MYO16: variants seen among roughly 807,000 people sequenced by gnomAD.
MYO16 encodes the protein myosin XVI, also known as unconventional myosin-XVI.
A neutral mutation model predicts 205.3 loss-of-function variants in MYO16; 94 were observed. The ratio of observed to expected loss-of-function variants is 0.46; its 90% CI spans 0.39 to 0.54. The LOEUF is 0.54. Among genes scored for constraint, MYO16 ranks in the 20% least tolerant of loss-of-function variants. MYO16 has a pLI of 0.00. For synonymous variants in MYO16, 988 were observed against 954.0 expected (o/e 1.04, Z -0.66); for missense variants, 2,315 against 2,387.5 (o/e 0.97, Z 0.63).
At chr13:108,668,174 T>G (rs1274861950) in intron 2 of MYO16, among the ~76,000 whole-genome samples, 2 of 152,116 alleles carry the variant, frequency 1.3e-5, no homozygotes, top group Non-Finnish European at 1.5e-5. Flanking sequence ...CAAGAAGCAG[T>G]TATTATATAA....
intron 21 of MYO16, among the ~76,000 whole-genome samples, chr13:108,993,671 G>A (rs920017593): frequency 1.3e-5 from 2 of 152,072 alleles, no homozygotes; most frequent in Non-Finnish European, 2.9e-5. Flanking sequence ...AATAGAAAAG[G>A]AGATACTTCA....
At position 108,785,734 on chromosome 13, in the gene MYO16, G is replaced by T. The variant is rs772286697; in HGVS notation, c.607G>T (p.Asp203Tyr). ...CAGCTCTATCCTGTTGACCTATCTG[G>T]ATGAAAATGGTAGGCAAAAACTTTT... ...ESSSILLTYL[D>Y]ENGVDLTSLR... Residue 203 changes from aspartate to tyrosine, a missense_variant, in exon 5 of 35, where the codon GAT becomes TAT. Coordinates refer to ENST00000457511, the MANE Select transcript of MYO16 (RefSeq NM_001198950.3). 6.3e-7 allele frequency: 1 copy of T among 1,598,360 alleles called. No homozygotes were observed. The highest frequency in any genetic ancestry group is 1.1e-5 in the South Asian group (1 of 88,608).
intron 28 of MYO16, among the ~76,000 whole-genome samples, chr13:109,114,783 CCTTTA>C (rs1428933805): frequency 2.6e-5 from 4 of 152,308 alleles, no homozygotes; most frequent in East Asian, 1.9e-4. Flanking sequence ...TGAGCTTTCT[CCTTTA>C]CTTTACCTGC....
At chr13:108,753,356 G>A (rs565220236) in intron 4 of MYO16, among the ~76,000 whole-genome samples, 21 of 93,838 alleles carry the variant, frequency 2.2e-4, no homozygotes, top group African/African-American at 9.3e-4. Flanking sequence ...GGCAATAAGA[G>A]CAAAACTCTG....
At chr13:108,756,410 A>G (rs1470666468) in intron 4 of MYO16, among the ~76,000 whole-genome samples, 2 of 152,102 alleles carry the variant, frequency 1.3e-5, no homozygotes, top group Non-Finnish European at 2.9e-5. Context: ...ACTTTGAGAA[A>G]CACATCTGTA....
intron 31 of MYO16, among the ~76,000 whole-genome samples, chr13:109,139,342 C>G (rs1876924334): frequency 6.6e-6 from 1 of 152,206 alleles, no homozygotes; most frequent in Admixed American, 6.5e-5. Context: ...TTGGCCAGGT[C>G]TCCTGGGTTT....
intron 4 of MYO16, among the ~76,000 whole-genome samples, chr13:108,756,580 T>C (rs1019782324): frequency 6.6e-6 from 1 of 152,176 alleles, no homozygotes; most frequent in Admixed American, 6.5e-5. Context: ...ATTTGAATCA[T>C]TTATGTTAAT....
intron 21 of MYO16, among the ~76,000 whole-genome samples, chr13:109,007,391 A>G (rs185647690): frequency 0.011 from 1,712 of 152,052 alleles, 31 homozygotes; most frequent in African/African-American, 0.039. Flanking sequence ...CCGTCTCAAA[A>G]AAAAAGAAAA....
the MYO16 span, among the ~76,000 whole-genome samples, chr13:108,525,431 G>A: frequency 6.6e-5 from 10 of 152,150 alleles, no homozygotes; most frequent in Admixed American, 5.9e-4. Context: ...GAGCCATGTG[G>A]GGAGGTTGCT....
chr13:108,959,418 C>T (rs529821176), intron 17 of MYO16, among the ~76,000 whole-genome samples: 1 of 152,208 alleles, frequency 6.6e-6, no homozygotes, highest in Non-Finnish European at 1.5e-5. Flanking sequence ...GGAAACAGGG[C>T]TTTGAAAATT....
chr13:108,717,153 T>C (rs189574076), intron 3 of MYO16, among the ~76,000 whole-genome samples: 2 of 152,320 alleles, frequency 1.3e-5, no homozygotes, highest in African/African-American at 4.8e-5. Flanking sequence ...GGTTTTGTTA[T>C]TACCTTTATT....
Position 108,608,894 on chromosome 13 carries a change from T to C in MYO16, c.-39+12655T>C, listed in dbSNP as rs138711351. Among the ~76,000 whole-genome samples, 907 of 152,302 alleles carry C rather than the reference T, an allele frequency of 6.0e-3. 13 individuals carry two copies. Among genetic ancestry groups the C allele is most frequent in the East Asian group, 0.057 (297 of 5,184 alleles). ...CCCGACCTCAGGGGATCCACCTGCCTCAGCCTCCCAAAGTGCAGGGATTAT... is the reference window on the plus strand; with the variant it reads ...CCCGACCTCAGGGGATCCACCTGCCCCAGCCTCCCAAAGTGCAGGGATTAT... On this transcript the variant is annotated intron_variant, in intron 1 of 24. Coordinates refer to the MYO16 transcript ENST00000251041.
intron 16 of MYO16, among the ~76,000 whole-genome samples, chr13:108,920,803 A>T (rs555753238): frequency 4.3e-4 from 65 of 152,366 alleles, no homozygotes; most frequent in African/African-American, 1.5e-3. Context: ...TATAAATAAG[A>T]GATATTTATT....
intron 4 of MYO16, among the ~76,000 whole-genome samples, chr13:108,759,400 T>C (rs1002663499): frequency 2.6e-5 from 4 of 152,238 alleles, no homozygotes; most frequent in Non-Finnish European, 5.9e-5. Flanking sequence ...TGTGTTATTA[T>C]GTACTGTTTG....
intron 1 of MYO16, among the ~76,000 whole-genome samples, chr13:108,598,961 A>G (rs1878661263): frequency 6.7e-6 from 1 of 149,154 alleles, no homozygotes; most frequent in Non-Finnish European, 1.5e-5. Context: ...CTCGTCATTT[A>G]GCATTAGGTA....
intron 15 of MYO16, among the ~76,000 whole-genome samples, chr13:108,901,701 T>G (rs2139213202): frequency 1.3e-5 from 2 of 152,352 alleles, no homozygotes; most frequent in South Asian, 4.1e-4. Flanking sequence ...TTCTTATCAC[T>G]TGTATTTGTT....
chr13:109,061,915 C>T (rs2139628336), intron 27 of MYO16, among the ~76,000 whole-genome samples: 1 of 152,080 alleles, frequency 6.6e-6, no homozygotes, highest in East Asian at 1.9e-4. Flanking sequence ...TTTCTGTTTC[C>T]TTAATGTTAT....
Position 108,811,542 on chromosome 13 carries a change from G to A in MYO16, c.867+4738G>A, listed in dbSNP as rs196177. ...TTTTTTCTGTCCTCTAACACCACCT[G>A]TTTAAAAAAAAAAAAACCATCATCT... On this transcript the variant is annotated intron_variant, in intron 7 of 34. Coordinates refer to ENST00000457511, the MANE Select transcript of MYO16 (RefSeq NM_001198950.3). Among the ~76,000 whole-genome samples the A allele has an allele frequency of 9.1e-3, 341 of 37,302 alleles. 6 individuals carry two copies. Among genetic ancestry groups the A allele is most frequent in the Admixed American group, 0.023 (46 of 2,040 alleles). 24.5% of individuals were successfully genotyped at this position (37,302 alleles called of 152,430 possible). A position where few individuals can be genotyped will look rare whatever the true frequency, so the allele number is the denominator to read the frequency against.
Position 108,938,651 on chromosome 13 carries a change from G to T in MYO16, c.1926-19037G>T, listed in dbSNP as rs373242951. On this transcript the variant is annotated intron_variant, in intron 16 of 34. Coordinates refer to ENST00000457511, the MANE Select transcript of MYO16 (RefSeq NM_001198950.3). Reference sequence around the variant, plus strand: ...GGCATGGAGCAGAGAGGGACCCCCTGCACGAAGTTCTCTGAACAGGCATTC... The same window carrying T: ...GGCATGGAGCAGAGAGGGACCCCCTTCACGAAGTTCTCTGAACAGGCATTC... Among the ~76,000 whole-genome samples, 10 of 152,356 alleles carry T rather than the reference G, an allele frequency of 6.6e-5. No individual in the cohort carries two copies. The East Asian group carries it at 9.6e-4, about 15-fold the overall frequency.
Sources: allele counts gnomAD v4.1 joint callset (sites outside exome capture counted in the v4.1 genomes callset), GRCh38; gene constraint gnomAD v4.1.1; transcripts MANE v1.5; gene names NCBI Gene and HGNC (gene_info 2026-07-23, HGNC 2026-07-21).